Variants in MTUS2 observed in about 807,000 individuals in gnomAD.
MTUS2 encodes the protein microtubule-associated tumor suppressor candidate 2.
Under a neutral mutation model 114.1 loss-of-function variants are expected in MTUS2, and 40 were observed. The ratio of observed to expected loss-of-function variants is 0.35; its 90% CI spans 0.27 to 0.46. MTUS2 has a LOEUF of 0.46. MTUS2 is among the 20% of genes least tolerant of loss of function. The pLI, the probability that MTUS2 is intolerant of heterozygous loss-of-function variation, is 1.00. For synonymous variants in MTUS2, 688 were observed against 672.0 expected (o/e 1.02, Z -0.37); for missense variants, 1,679 against 1,705.4 (o/e 0.98, Z 0.27).
At chr13:29,149,504 G>A (rs545050662) in intron 5 of MTUS2, among the ~76,000 whole-genome samples, 1 of 152,254 alleles carries the variant, frequency 6.6e-6, no homozygotes, top group Admixed American at 6.5e-5. Context: ...CTTTTGCTGT[G>A]CAGAAGTTCT....
chr13:29,007,538 C>T (rs144447490), intron 2 of MTUS2, among the ~76,000 whole-genome samples: 1 of 152,172 alleles, frequency 6.6e-6, no homozygotes, highest in African/African-American at 2.4e-5. Context: ...TAACTATTTA[C>T]TTTAACTGTG....
intron 5 of MTUS2, among the ~76,000 whole-genome samples, chr13:29,195,599 C>A (rs118084869): frequency 6.8e-6 from 1 of 146,014 alleles, no homozygotes; most frequent in Admixed American, 6.9e-5. Flanking sequence ...CCTTCCGGCT[C>A]ATGTTGAAAG....
chr13:29,158,645 T>C (rs1226144641), intron 5 of MTUS2, among the ~76,000 whole-genome samples: 1 of 152,148 alleles, frequency 6.6e-6, no homozygotes, highest in African/African-American at 2.4e-5. Flanking sequence ...CTTCTACCTC[T>C]GTGCTTATCT....
chr13:29,059,644 C>T (rs1450889577), intron 4 of MTUS2, among the ~76,000 whole-genome samples: 1 of 152,278 alleles, frequency 6.6e-6, no homozygotes, highest in East Asian at 1.9e-4. Context: ...TGCCACTTGG[C>T]AAATTCAGGT....
rs74547390 is a variant in MTUS2 at position 29,300,501 on chromosome 13, C to T, written c.2806+18636C>T. On this transcript the variant is annotated intron_variant, in intron 6 of 15. Transcript: ENST00000612955. ...ATGTTTCAGAAATCTGCCTACTGTA[C>T]TATAAATGCATTCTTATGCAAATTG... 5.5e-3 allele frequency among the ~76,000 whole-genome samples: 843 copies of T among 152,282 alleles called. 9 individuals carry two copies. Among genetic ancestry groups the T allele is most frequent in the African/African-American group, 0.019 (805 of 41,562 alleles).
rs1287950765 is a variant in MTUS2 at position 29,084,790 on chromosome 13, C to CA, written c.2447-15983_2447-15982insA. Reference sequence around the variant, plus strand: ...TGACCTCAGGTGATCCACCCCCCCCCCTCACCGTTGGCCTTCCAAAGTGCT... The same window carrying CA: ...TGACCTCAGGTGATCCACCCCCCCCCACTCACCGTTGGCCTTCCAAAGTGCT... On this transcript the variant is annotated intron_variant, in intron 4 of 15. Coordinates refer to ENST00000612955, the MANE Select transcript of MTUS2 (RefSeq NM_001033602.4). Among the ~76,000 whole-genome samples, 7 of 112,988 alleles carry CA rather than the reference C, an allele frequency of 6.2e-5. No homozygotes were observed. The South Asian group carries it at 1.3e-3, about 22-fold the overall frequency. 74.1% of individuals were successfully genotyped at this position (112,988 alleles called of 152,430 possible).
intron 2 of MTUS2, among the ~76,000 whole-genome samples, chr13:28,894,550 G>C (rs1018295945): frequency 3.5e-4 from 54 of 152,282 alleles, no homozygotes; most frequent in African/African-American, 1.1e-3. Context: ...TGTCCACTCC[G>C]TGGTGTTTTG....
rs552766235 is a variant in MTUS2 at position 29,317,432 on chromosome 13, C to CTTTTT, written c.2807-7168_2807-7164dup. ...GCTTGTGCGCGCGCTCTCTCTCTCTCTTTTTTTTTTTTTTTTTGAGACGGA... is the reference window on the plus strand; with the variant it reads ...GCTTGTGCGCGCGCTCTCTCTCTCTCTTTTTTTTTTTTTTTTTTTTTTGAGACGGA... On this transcript the variant is annotated intron_variant, in intron 6 of 15. Coordinates refer to ENST00000612955, the MANE Select transcript of MTUS2 (RefSeq NM_001033602.4). Among the ~76,000 whole-genome samples the CTTTTT allele has an allele frequency of 3.4e-3, 176 of 51,672 alleles. 56 individuals are homozygous for CTTTTT. The highest frequency in any genetic ancestry group is 0.01 in the African/African-American group (155 of 15,262). The allele number at this position is 51,672 out of a possible 152,430, so 33.9% of individuals were successfully genotyped here. A position where few individuals can be genotyped will look rare whatever the true frequency, so the allele number is the denominator to read the frequency against.
At chr13:28,943,519 C>A (rs571051475) in intron 2 of MTUS2, among the ~76,000 whole-genome samples, 95 of 152,318 alleles carry the variant, frequency 6.2e-4, no homozygotes, top group African/African-American at 2.2e-3. Flanking sequence ...TGCACGTTTA[C>A]AGAACATTTC....
intron 8 of MTUS2, among the ~76,000 whole-genome samples, chr13:29,406,478 C>T (rs1874763173): frequency 6.6e-6 from 1 of 152,138 alleles, no homozygotes; most frequent in Non-Finnish European, 1.5e-5. Context: ...AGGGGCTTTC[C>T]CTAGGGCTTC....
chr13:29,316,478 C>G (rs574991384), intron 6 of MTUS2, among the ~76,000 whole-genome samples: 2 of 152,134 alleles, frequency 1.3e-5, no homozygotes, highest in African/African-American at 4.8e-5. Flanking sequence ...TCTTAGTCAC[C>G]GCCTTCCTGC....
intron 5 of MTUS2, among the ~76,000 whole-genome samples, chr13:29,205,345 A>C (rs1895137970): frequency 6.6e-6 from 1 of 152,200 alleles, no homozygotes; most frequent in Admixed American, 6.5e-5. Flanking sequence ...CAGCCTTCAT[A>C]CATCCATGAA....
chr13:28,825,970 C>T (rs1479485639), intron 1 of MTUS2, among the ~76,000 whole-genome samples: 1 of 152,160 alleles, frequency 6.6e-6, no homozygotes, highest in Admixed American at 6.5e-5. Flanking sequence ...GCAAGCTTCT[C>T]TCACGTGCCC....
intron 4 of MTUS2, among the ~76,000 whole-genome samples, chr13:29,094,117 G>C (rs1566004712): frequency 6.6e-6 from 1 of 151,962 alleles, no homozygotes; most frequent in Non-Finnish European, 1.5e-5. Context: ...GCAGTATCTT[G>C]GTGAGGATTT....
intron 5 of MTUS2, among the ~76,000 whole-genome samples, chr13:29,137,856 A>G (rs563044355): frequency 1.3e-5 from 2 of 149,764 alleles, no homozygotes; most frequent in African/African-American, 4.9e-5. Flanking sequence ...AATCTACCCC[A>G]TATATATGGT....
At chr13:29,182,771 T>C (rs896540917) in intron 5 of MTUS2, among the ~76,000 whole-genome samples, 7 of 152,138 alleles carry the variant, frequency 4.6e-5, no homozygotes, top group Admixed American at 3.9e-4. Context: ...GAAACTTAAA[T>C]TGGATGAGAG....
intron 5 of MTUS2, among the ~76,000 whole-genome samples, chr13:29,176,909 A>G (rs979038286): frequency 6.6e-5 from 10 of 151,172 alleles, no homozygotes; most frequent in Middle Eastern, 3.4e-3. Flanking sequence ...AGCTTCTGCT[A>G]TGGAGTCCCC....
At chr13:28,974,373 C>T (rs1469840380) in intron 2 of MTUS2, among the ~76,000 whole-genome samples, 1 of 152,160 alleles carries the variant, frequency 6.6e-6, no homozygotes, top group Admixed American at 6.5e-5. Context: ...GCCAAACAAA[C>T]TGTATCTGAA....
intron 9 of MTUS2, among the ~76,000 whole-genome samples, chr13:29,468,531 A>C (rs920279596): frequency 3.9e-5 from 6 of 151,908 alleles, no homozygotes; most frequent in Non-Finnish European, 7.4e-5. Context: ...CAGAGAGTTG[A>C]GATTGCATCA....
Sources: gnomAD v4.1 joint callset for allele counts (sites outside exome capture counted in the v4.1 genomes callset) on GRCh38, gnomAD v4.1.1 for gene constraint, MANE v1.5 for transcripts, NCBI Gene and HGNC (gene_info 2026-07-23, HGNC 2026-07-21) for gene names.